Variants in CAMK4 observed in about 807,000 individuals in gnomAD.
CAMK4 encodes calcium/calmodulin-dependent protein kinase type IV.
In CAMK4, 22 loss-of-function variants were observed where a neutral mutation model predicts 44.9. The ratio of observed to expected loss-of-function variants is 0.49; its 90% confidence interval spans 0.35 to 0.70. CAMK4 has a LOEUF of 0.70. Ranked by LOEUF, CAMK4 falls within the 30% of genes least tolerant of loss-of-function variation. The pLI is 0.01. For synonymous variants in CAMK4, 218 were observed against 215.4 expected (o/e 1.01, Z -0.11); for missense variants, 498 against 586.8 (o/e 0.85, Z 1.56).
chr5:111,284,011 T>A (rs73786870), intron 1 of CAMK4, among the ~76,000 whole-genome samples: 2,573 of 152,296 alleles, frequency 0.017, 73 homozygotes, highest in African/African-American at 0.059. Context: ...ATAAAATAGG[T>A]CTGACATTTT....
chr5:111,336,810 T>C (rs1354802849), intron 1 of CAMK4, among the ~76,000 whole-genome samples: 1 of 151,128 alleles, frequency 6.6e-6, no homozygotes, highest in Non-Finnish European at 1.5e-5. Flanking sequence ...TTTGAAAATC[T>C]TTCTCTTATA....
intron 1 of CAMK4, among the ~76,000 whole-genome samples, chr5:111,267,996 C>T (rs2112575772): frequency 6.6e-6 from 1 of 152,270 alleles, no homozygotes; most frequent in South Asian, 2.1e-4. Context: ...ATACTTGAGG[C>T]TGTCAGTGTT....
intron 1 of CAMK4, among the ~76,000 whole-genome samples, chr5:111,295,276 T>C (rs868802294): frequency 1.2e-4 from 19 of 152,320 alleles, no homozygotes; most frequent in African/African-American, 4.6e-4. Flanking sequence ...ACAATAAATA[T>C]CTTTAAAAGC....
In CAMK4 at chr5:111,487,001, A is replaced by G. The variant is rs1277636618; in HGVS notation, c.*2535A>G. 1 of 152,222 alleles carries G rather than the reference A, an allele frequency of 6.6e-6. No homozygotes were observed. The highest frequency in any genetic ancestry group is 2.4e-5 in the African/African-American group (1 of 41,458). The allele number at this position is 152,222 out of a possible 1,614,324, so 9.4% of individuals were successfully genotyped here. ...GTTGGTCATTTCAGTCAAATTATTC[A>G]AAGATTTCATATACATACATCCTAA... On this transcript the variant is annotated 3_prime_UTR_variant, in exon 11 of 11. Coordinates refer to ENST00000282356, the MANE Select transcript of CAMK4 (RefSeq NM_001744.6).
At chr5:111,281,592 G>T (rs1751020053) in intron 1 of CAMK4, among the ~76,000 whole-genome samples, 1 of 152,050 alleles carries the variant, frequency 6.6e-6, no homozygotes, top group African/African-American at 2.4e-5. Flanking sequence ...GATCTTTTTG[G>T]CCTCTCTGGG....
At chr5:111,372,433 G>A (rs1476421972) in intron 2 of CAMK4, among the ~76,000 whole-genome samples, 1 of 152,150 alleles carries the variant, frequency 6.6e-6, no homozygotes, top group Non-Finnish European at 1.5e-5. Context: ...TTAGATAGAT[G>A]TTGAGAGAGA....
intron 5 of CAMK4, among the ~76,000 whole-genome samples, chr5:111,406,525 A>C (rs1399124483): frequency 6.6e-6 from 1 of 151,650 alleles, no homozygotes. Flanking sequence ...TACCTGGCCA[A>C]TTTTTTTCTT....
chr5:111,386,599 A>C (rs941786812), intron 4 of CAMK4, among the ~76,000 whole-genome samples: 4 of 152,240 alleles, frequency 2.6e-5, no homozygotes, highest in Non-Finnish European at 4.4e-5. Flanking sequence ...AAGCAAATGC[A>C]CCAGAGTCAT....
chr5:111,418,040 TG>T (rs1752875799), intron 5 of CAMK4, among the ~76,000 whole-genome samples: 1 of 152,162 alleles, frequency 6.6e-6, no homozygotes, highest in African/African-American at 2.4e-5. Context: ...GATTTTCATT[TG>T]GGAAAGTCCT....
In CAMK4 at chr5:111,449,145, TA is replaced by T; in HGVS notation, c.571del (p.Ile191LeufsTer8). On this transcript the variant is annotated frameshift_variant, in exon 7 of 11. Transcript: ENST00000282356. LOFTEE classifies it high-confidence loss of function. The part of the protein sequence containing the change: ...PLKIADFGLS[K>X]IVEHQVLMKT... ...TGTTATTAGCTGATTTTGGACTCTCTAAAATTGTGGAACATCAAGTGCTCAT... is the reference window on the plus strand; with the variant it reads ...TGTTATTAGCTGATTTTGGACTCTCTAAATTGTGGAACATCAAGTGCTCAT... 1 of 1,567,878 alleles carries T rather than the reference TA, an allele frequency of 6.4e-7. No individual in the cohort carries two copies. Among genetic ancestry groups the T allele is most frequent in the Non-Finnish European group, 8.8e-7 (1 of 1,139,990 alleles).
At chr5:111,267,172 A>G (rs1405011049) in intron 1 of CAMK4, among the ~76,000 whole-genome samples, 1 of 152,064 alleles carries the variant, frequency 6.6e-6, no homozygotes, top group African/African-American at 2.4e-5. Flanking sequence ...GGTTGTCTGT[A>G]CATTTTCTGC....
At position 111,224,606 on chromosome 5, in the gene CAMK4, G is replaced by C. The variant is rs772865496; in HGVS notation, c.123G>C (p.Ala41=). 28 of 1,611,736 alleles carry C rather than the reference G, an allele frequency of 1.7e-5. No individual in the cohort carries two copies. Among genetic ancestry groups the C allele is most frequent in the African/African-American group, 9.3e-5 (7 of 74,896 alleles). ...GGATCGACGGCTCCAACAGGGATGC[G>C]CTGAGCGATTTCTTCGAGGTGGAGT... ...DYWIDGSNRD[A]LSDFFEVESE... The change falls in exon 1 of 11, where the codon GCG becomes GCC. Residue 41 remains alanine, a synonymous_variant. Coordinates refer to ENST00000282356, the MANE Select transcript of CAMK4 (RefSeq NM_001744.6). This position sits in a 1 kb window ranked among gnomAD's most constrained non-coding sequence, Gnocchi z 5.7.
intron 7 of CAMK4, among the ~76,000 whole-genome samples, chr5:111,455,027 A>G (rs1398976608): frequency 6.6e-6 from 1 of 152,200 alleles, no homozygotes; most frequent in Non-Finnish European, 1.5e-5. Flanking sequence ...TAGTTCTGAG[A>G]CAGTCCTACT....
chr5:111,475,246 A>C (rs1755196697), intron 8 of CAMK4, among the ~76,000 whole-genome samples: 1 of 152,128 alleles, frequency 6.6e-6, no homozygotes, highest in African/African-American at 2.4e-5. Context: ...TTGTCCCCAA[A>C]ATGTAGGTTT....
chr5:111,234,833 C>T (rs1328444726), intron 1 of CAMK4, among the ~76,000 whole-genome samples: 2 of 152,190 alleles, frequency 1.3e-5, no homozygotes, highest in Non-Finnish European at 2.9e-5. Flanking sequence ...AGGACACGTT[C>T]TTACCTGTTT....
chr5:111,457,999 C>T (rs1038056882), intron 7 of CAMK4, among the ~76,000 whole-genome samples: 10 of 152,282 alleles, frequency 6.6e-5, no homozygotes, highest in Middle Eastern at 3.4e-3. Flanking sequence ...GTGCTGCACA[C>T]TAGGGTTCCT....
At position 111,494,286 on chromosome 5, in the gene CAMK4, A is replaced by G. The variant is rs1228079318; in HGVS notation, c.*9820A>G. 1 of 152,198 alleles carries G rather than the reference A, an allele frequency of 6.6e-6. No homozygotes were observed. Among genetic ancestry groups the G allele is most frequent in the Non-Finnish European group, 1.5e-5 (1 of 68,034 alleles). The allele number at this position is 152,198 out of a possible 1,614,324, so 9.4% of individuals were successfully genotyped here. A position where few individuals can be genotyped will look rare whatever the true frequency, so the allele number is the denominator to read the frequency against. On this transcript the variant is annotated 3_prime_UTR_variant, in exon 11 of 11. Transcript: ENST00000282356. ...GCTACCTTCCCAACTTCTAATTTGA[A>G]GAGCACTGAAAATGGAGCTGTGAAC...
intron 10 of CAMK4, among the ~76,000 whole-genome samples, chr5:111,483,317 A>G (rs1036571680): frequency 1.3e-5 from 2 of 152,182 alleles, no homozygotes; most frequent in African/African-American, 2.4e-5. Flanking sequence ...TTTTGAAACT[A>G]TATTTCCTAA....
At chr5:111,442,777 T>C (rs979126816) in intron 5 of CAMK4, among the ~76,000 whole-genome samples, 1 of 148,330 alleles carries the variant, frequency 6.7e-6, no homozygotes, top group Non-Finnish European at 1.5e-5. Context: ...ATAAATATTA[T>C]ATATCTTATT....
Sources: gnomAD v4.1 joint callset for allele counts (sites outside exome capture counted in the v4.1 genomes callset) on GRCh38, gnomAD v4.1.1 for gene constraint, Gnocchi (gnomAD v3.1) non-coding constraint, MANE v1.5 for transcripts, NCBI Gene and HGNC (gene_info 2026-07-23, HGNC 2026-07-21) for gene names.